TSPAN15: variants seen among roughly 807,000 people sequenced by gnomAD.
The protein encoded by TSPAN15 is tetraspanin 15, also known as tetraspanin-15.
In TSPAN15, 20 loss-of-function variants were observed where a neutral mutation model predicts 34.5. The ratio of observed to expected loss-of-function variants is 0.58; its 90% CI spans 0.41 to 0.84. The LOEUF is 0.84. Ranked by LOEUF, TSPAN15 falls within the 40% of genes least tolerant of loss-of-function variation. The probability of loss-of-function intolerance (pLI) is 0.00; values close to 1 mark genes in which losing one functional copy is unlikely to be tolerated. For missense variants in TSPAN15, 313 were observed against 386.1 expected (o/e 0.81, Z 1.59); for synonymous variants, 155 against 153.9 (o/e 1.01, Z -0.05).
chr10:69,483,884 G>C lies in TSPAN15; in HGVS notation c.282+8G>C. 1.9e-6 allele frequency: 3 copies of C among 1,610,824 alleles called. No individual in the cohort carries two copies. The highest frequency in any genetic ancestry group is 2.5e-6 in the Non-Finnish European group (3 of 1,178,166). On this transcript the variant is annotated splice_region_variant and intron_variant, in intron 2 of 7. Coordinates refer to ENST00000373290, the MANE Select transcript of TSPAN15 (RefSeq NM_012339.5). Reference sequence around the variant, plus strand: ...CTGTACCTTCTCCAAGCAGTGAGTGGACCACACCACCCCTCAGCCGGGACT... The same window carrying C: ...CTGTACCTTCTCCAAGCAGTGAGTGCACCACACCACCCCTCAGCCGGGACT...
chr10:69,495,641 C>T lies in TSPAN15; in HGVS notation c.405C>T (p.Tyr135=), dbSNP rs765579321. The T allele has an allele frequency of 2.5e-5, 41 of 1,614,016 alleles. No homozygotes were observed. The Admixed American group carries it at 6.5e-4, about 26-fold the overall frequency. The change falls in exon 4 of 8, where the codon TAC becomes TAT. Residue 135 remains tyrosine, a synonymous_variant. Coordinates refer to ENST00000373290, the MANE Select transcript of TSPAN15 (RefSeq NM_012339.5). ...NDNIRRGIEN[Y]YDDLDFKNIM... Reference sequence around the variant, plus strand: ...ACATTCGAAGAGGAATTGAGAACTACTATGATGATCTGGACTTCAAAAACA... The same window carrying T: ...ACATTCGAAGAGGAATTGAGAACTATTATGATGATCTGGACTTCAAAAACA...
the TSPAN15 span, among the ~76,000 whole-genome samples, chr10:69,533,186 G>A: frequency 6.6e-6 from 1 of 151,990 alleles, no homozygotes; most frequent in Admixed American, 6.6e-5. Flanking sequence ...AGGAAAAGAA[G>A]TCATTATATG....
intron 1 of TSPAN15, among the ~76,000 whole-genome samples, chr10:69,466,905 A>T (rs1255841462): frequency 5.9e-5 from 9 of 152,178 alleles, no homozygotes; most frequent in Non-Finnish European, 2.9e-5. Flanking sequence ...TGGCGCTCTG[A>T]GGGAGATGGT....
chr10:69,539,549 AG>A, the TSPAN15 span, among the ~76,000 whole-genome samples: 6,366 of 102,350 alleles, frequency 0.062, 831 homozygotes, highest in Non-Finnish European at 0.075. Context: ...GAGAAGGAGA[AG>A]GAGAAGGAGA....
the TSPAN15 span, among the ~76,000 whole-genome samples, chr10:69,545,421 C>A: frequency 6.6e-6 from 1 of 152,234 alleles, no homozygotes; most frequent in East Asian, 1.9e-4. Context: ...TCAGGGGCAC[C>A]CCTAAGTCCT....
At chr10:69,494,895 A>G (rs1842045050) in intron 3 of TSPAN15, 1 of 981,592 alleles carries the variant, frequency 1.0e-6, no homozygotes. Flanking sequence ...GGGTCTCAGC[A>G]CAACAGCCGG....
At chr10:69,544,325 A>G in the TSPAN15 span, among the ~76,000 whole-genome samples, 1 of 152,362 alleles carries the variant, frequency 6.6e-6, no homozygotes, top group East Asian at 1.9e-4. Flanking sequence ...AAATAGAAAT[A>G]CAATTCAAAT....
At chr10:69,494,328 C>CA in intron 3 of TSPAN15, among the ~76,000 whole-genome samples, 1 of 152,290 alleles carries the variant, frequency 6.6e-6, no homozygotes, top group Admixed American at 6.5e-5. Context: ...TAAAAACAGA[C>CA]AAAAATCTTG....
intron 1 of TSPAN15, among the ~76,000 whole-genome samples, chr10:69,465,759 G>A (rs1841370347): frequency 2.0e-5 from 3 of 152,140 alleles, no homozygotes; most frequent in Non-Finnish European, 2.9e-5. Flanking sequence ...CTTCTTTCTT[G>A]GAAGAACTTT....
the TSPAN15 span, among the ~76,000 whole-genome samples, chr10:69,539,441 G>GGAAGAAGAAGAAGAAGAA: frequency 1.2e-4 from 8 of 65,432 alleles, no homozygotes; most frequent in Non-Finnish European, 1.8e-4. Flanking sequence ...AGAAGAAGAA[G>GGAAGAAGAAGAAGAAGAA]GAAGAAGAAG....
chr10:69,489,924 C>T (rs1391972777), intron 3 of TSPAN15, among the ~76,000 whole-genome samples: 1 of 152,242 alleles, frequency 6.6e-6, no homozygotes, highest in Admixed American at 6.5e-5. Flanking sequence ...GCTTTTGTCC[C>T]AGCTTGTTCT....
the TSPAN15 span, among the ~76,000 whole-genome samples, chr10:69,516,830 C>T: frequency 1.3e-5 from 2 of 152,200 alleles, no homozygotes; most frequent in Non-Finnish European, 2.9e-5. Context: ...GCTTTCTGCT[C>T]TGCTGTCTCC....
At chr10:69,455,592 CTT>C (rs1241280039) in intron 1 of TSPAN15, among the ~76,000 whole-genome samples, 11 of 121,074 alleles carry the variant, frequency 9.1e-5, no homozygotes, top group Non-Finnish European at 1.4e-4. Flanking sequence ...CTTTCTTTCT[CTT>C]TCTTTCTTTC....
chr10:69,508,279 A>G (rs1048500568), downstream of TSPAN15, among the ~76,000 whole-genome samples: 4 of 151,862 alleles, frequency 2.6e-5, no homozygotes, highest in Non-Finnish European at 5.9e-5. Context: ...CATCTCTACT[A>G]AAAATACAAA....
In TSPAN15 at chr10:69,498,397, G is replaced by A. The variant is rs878941673; in HGVS notation, c.570+1G>A. 5.0e-6 allele frequency: 8 copies of A among 1,612,974 alleles called. No homozygotes were observed. Among genetic ancestry groups the A allele is most frequent in the Non-Finnish European group, 5.9e-6 (7 of 1,179,046 alleles). ...CTACACCTGCTGCATCAGGAACACG[G>A]TAGACACTGCTCCTGTGGGGACTGG... On this transcript the variant is annotated splice_donor_variant, in intron 5 of 7. Coordinates refer to ENST00000373290, the MANE Select transcript of TSPAN15 (RefSeq NM_012339.5). LOFTEE classifies it high-confidence loss of function.
At chr10:69,497,551 CT>C (rs1267840053) in intron 4 of TSPAN15, among the ~76,000 whole-genome samples, 4 of 152,336 alleles carry the variant, frequency 2.6e-5, no homozygotes, top group African/African-American at 9.6e-5. Flanking sequence ...CCCCTCCCCA[CT>C]TTCCCCCTAT....
chr10:69,454,334 A>G (rs945782617), intron 1 of TSPAN15, among the ~76,000 whole-genome samples: 1 of 152,200 alleles, frequency 6.6e-6, no homozygotes, highest in Middle Eastern at 3.4e-3. Flanking sequence ...CCTGGCTAAC[A>G]TGGTGAAACC....
chr10:69,488,512 T>A (rs1220731849), intron 3 of TSPAN15, among the ~76,000 whole-genome samples: 1 of 152,214 alleles, frequency 6.6e-6, no homozygotes, highest in East Asian at 1.9e-4. Context: ...TCATTAGGTA[T>A]TGGGGGAACC....
intron 2 of TSPAN15, among the ~76,000 whole-genome samples, chr10:69,484,310 C>T (rs903310130): frequency 1.3e-5 from 2 of 152,170 alleles, no homozygotes; most frequent in Admixed American, 6.5e-5. Flanking sequence ...TGGTCACTGC[C>T]GGCGTCAGGC....
Sources: gnomAD v4.1 joint callset for allele counts (sites outside exome capture counted in the v4.1 genomes callset) on GRCh38, gnomAD v4.1.1 for gene constraint, MANE v1.5 for transcripts, NCBI Gene and HGNC (gene_info 2026-07-23, HGNC 2026-07-21) for gene names.